Variants in SORCS3 observed in about 807,000 individuals in gnomAD.
SORCS3 encodes VPS10 domain-containing receptor SorCS3.
In SORCS3, 57 loss-of-function variants were observed where a neutral mutation model predicts 146.3. The observed-to-expected ratio is 0.39, with a 90% CI of 0.31 to 0.49. The LOEUF (loss-of-function observed/expected upper bound fraction) is 0.49, where lower values mean the gene tolerates loss of function less well. Ranked by LOEUF, SORCS3 falls within the 20% of genes least tolerant of loss-of-function variation. The probability of loss-of-function intolerance (pLI) is 0.92; values close to 1 mark genes in which losing one functional copy is unlikely to be tolerated. For synonymous variants in SORCS3, 653 were observed against 618.5 expected (o/e 1.06, Z -0.83); for missense variants, 1,341 against 1,575.5 (o/e 0.85, Z 2.52).
At position 105,263,286 on chromosome 10, in the gene SORCS3, C is replaced by T. The variant is rs2056972307; in HGVS notation, c.3605-24C>T. On this transcript the variant is annotated intron_variant, in intron 26 of 26. Transcript: ENST00000369701. ...CCTTGTGGAACTCACATCCATTTCT[C>T]CCTGTGTCTTCTCTTCTCTGCAGGA... 6 of 1,612,724 alleles carry T rather than the reference C, an allele frequency of 3.7e-6. No homozygotes were observed. The Admixed American group carries it at 6.7e-5, about 18-fold the overall frequency.
intron 1 of SORCS3, among the ~76,000 whole-genome samples, chr10:104,656,768 C>T (rs1054279691): frequency 6.6e-6 from 1 of 152,136 alleles, no homozygotes; most frequent in Admixed American, 6.5e-5. Context: ...TAAAAAATCA[C>T]TCTGATCACC....
intron 7 of SORCS3, among the ~76,000 whole-genome samples, chr10:105,138,767 G>C (rs1216673726): frequency 2.0e-5 from 3 of 152,196 alleles, no homozygotes; most frequent in Non-Finnish European, 4.4e-5. Context: ...AGAGATAACA[G>C]AGTTCAGACT....
intron 13 of SORCS3, among the ~76,000 whole-genome samples, chr10:105,169,838 C>G (rs1454038860): frequency 6.6e-6 from 1 of 152,036 alleles, no homozygotes; most frequent in Non-Finnish European, 1.5e-5. Flanking sequence ...TTCTTAGCTC[C>G]CATCATGTTA....
intron 1 of SORCS3, among the ~76,000 whole-genome samples, chr10:104,727,641 G>A (rs893375952): frequency 6.6e-6 from 1 of 151,944 alleles, no homozygotes; most frequent in Non-Finnish European, 1.5e-5. Flanking sequence ...ATACGTGTGT[G>A]TGTGCATCTC....
At chr10:104,923,517 A>C (rs940197870) in intron 3 of SORCS3, among the ~76,000 whole-genome samples, 1 of 152,174 alleles carries the variant, frequency 6.6e-6, no homozygotes, top group African/African-American at 2.4e-5. Context: ...TGGCACAATT[A>C]AGGGGTTCTA....
chr10:105,218,991 G>C (rs1159292640), intron 19 of SORCS3, among the ~76,000 whole-genome samples: 4 of 152,026 alleles, frequency 2.6e-5, no homozygotes, highest in Non-Finnish European at 5.9e-5. Flanking sequence ...CTCCAGCCTG[G>C]GAGACAGAGC....
chr10:105,178,266 C>A (rs950927060), intron 14 of SORCS3, 93 bp downstream of exon 14: 5 of 922,492 alleles, frequency 5.4e-6, no homozygotes, highest in Non-Finnish European at 6.5e-6. Flanking sequence ...AACCCTACAC[C>A]AAAGTGGTCC....
chr10:105,068,250 A>G (rs1299568914), intron 5 of SORCS3, among the ~76,000 whole-genome samples: 1 of 152,162 alleles, frequency 6.6e-6, no homozygotes, highest in Non-Finnish European at 1.5e-5. Context: ...TTAGTTAACA[A>G]TATCGCTATC....
chr10:105,231,689 C>T (rs932822544), intron 20 of SORCS3, among the ~76,000 whole-genome samples: 2 of 152,022 alleles, frequency 1.3e-5, no homozygotes, highest in Non-Finnish European at 2.9e-5. Flanking sequence ...GGAATTTCCC[C>T]TCTATTCTAA....
At chr10:104,987,228 GGAAT>G (rs1369672486) in intron 4 of SORCS3, among the ~76,000 whole-genome samples, 1 of 151,958 alleles carries the variant, frequency 6.6e-6, no homozygotes, top group Non-Finnish European at 1.5e-5. Context: ...GGAGAAAAAA[GGAAT>G]GAGGGAGAAA....
At chr10:105,197,552 G>C (rs1016574908) in intron 14 of SORCS3, among the ~76,000 whole-genome samples, 1 of 151,994 alleles carries the variant, frequency 6.6e-6, no homozygotes, top group African/African-American at 2.4e-5. Flanking sequence ...TTGCCTCTTT[G>C]GTTCTAGACA....
intron 2 of SORCS3, among the ~76,000 whole-genome samples, chr10:104,911,904 T>A (rs1427495013): frequency 6.6e-6 from 1 of 152,202 alleles, no homozygotes; most frequent in Non-Finnish European, 1.5e-5. Context: ...ATAATCTAGA[T>A]AATATCTGAT....
chr10:105,105,406 A>T lies in SORCS3; in HGVS notation c.1103A>T (p.Tyr368Phe). Reference sequence around the variant, plus strand: ...TACCCTCCTGTTTCAGATGCTCACTACCTCACCTGCAGGATCCAGGAATGT... The same window carrying T: ...TACCCTCCTGTTTCAGATGCTCACTTCCTCACCTGCAGGATCCAGGAATGT... ...EVRTTDGYAH[Y>F]LTCRIQECAE... Residue 368 changes from tyrosine (Y) to phenylalanine (F), a missense_variant, in exon 7 of 27, where the codon TAC becomes TTC. Physicochemically the swap from Tyr to Phe is conservative, Grantham distance 22. Transcript: ENST00000369701. 1 of 1,612,648 alleles carries T rather than the reference A, an allele frequency of 6.2e-7. No homozygotes were observed. The highest frequency in any genetic ancestry group is 8.5e-7 in the Non-Finnish European group (1 of 1,178,886).
intron 1 of SORCS3, among the ~76,000 whole-genome samples, chr10:104,654,393 G>A (rs544075728): frequency 1.3e-5 from 2 of 152,284 alleles, no homozygotes; most frequent in East Asian, 3.9e-4. Context: ...GTTCTCCATA[G>A]TAGTTGCACT....
chr10:105,042,856 T>G (rs911840672), intron 4 of SORCS3, among the ~76,000 whole-genome samples, 199 bp from the exon 5 acceptor site: 2 of 152,086 alleles, frequency 1.3e-5, no homozygotes, highest in Non-Finnish European at 2.9e-5. Context: ...ATCAGTTGAT[T>G]GGATGTATAT....
rs547354975 is a variant in SORCS3, at chr10:105,203,282, G to A, written c.2261+2029G>A. 2.6e-5 allele frequency among the ~76,000 whole-genome samples: 4 copies of A among 152,220 alleles called. No homozygotes were observed. In the East Asian group the frequency reaches 7.7e-4, roughly 29 times the overall value. ...TTTCTGTGACCATTTTGAGCCCTTGGCAGCAAAGTATATTTTCACATTGTG... is the reference window on the plus strand; with the variant it reads ...TTTCTGTGACCATTTTGAGCCCTTGACAGCAAAGTATATTTTCACATTGTG... On this transcript the variant is annotated intron_variant, in intron 16 of 26. Transcript: ENST00000369701.
At chr10:104,742,580 C>T (rs2133461836) in intron 1 of SORCS3, among the ~76,000 whole-genome samples, 1 of 152,256 alleles carries the variant, frequency 6.6e-6, no homozygotes, top group African/African-American at 2.4e-5. Flanking sequence ...GATGCAGGCC[C>T]AAATTTGGGC....
chr10:104,860,514 A>G (rs1015415462), intron 2 of SORCS3, among the ~76,000 whole-genome samples: 4 of 150,306 alleles, frequency 2.7e-5, no homozygotes, highest in African/African-American at 9.8e-5. Context: ...GCACATGTAT[A>G]CACATGTAAC....
intron 3 of SORCS3, 23 bp from the exon 4 acceptor site, chr10:104,977,312 A>T (rs933686124): frequency 6.3e-7 from 1 of 1,587,574 alleles, no homozygotes; most frequent in Non-Finnish European, 8.6e-7. Flanking sequence ...CTGTCTGTAT[A>T]TGTCCCTCTA....
Sources: gnomAD v4.1 joint callset for allele counts (sites outside exome capture counted in the v4.1 genomes callset) on GRCh38, gnomAD v4.1.1 for gene constraint, MANE v1.5 for transcripts, NCBI Gene and HGNC (gene_info 2026-07-23, HGNC 2026-07-21) for gene names.